Variants in RAB6A observed in about 807,000 individuals in gnomAD.
RAB6A encodes the protein ras-related protein Rab-6A.
Under a neutral mutation model 32.3 loss-of-function variants are expected in RAB6A, and 8 were observed. That is an observed-to-expected ratio of 0.25 (90% CI 0.15 to 0.45). The LOEUF is 0.45. Among genes scored for constraint, RAB6A ranks in the 20% least tolerant of loss-of-function variants. The pLI is 1.00. For missense variants in RAB6A, 104 were observed against 249.4 expected, an observed-to-expected ratio of 0.42 and a Z score of 3.93; for synonymous variants, 73 against 82.1, an observed-to-expected ratio of 0.89 and a Z score of 0.60.
At chr11:73,689,895 CAAAAAAA>C (rs5792626) in intron 6 of RAB6A, among the ~76,000 whole-genome samples, 1 of 60,962 alleles carries the variant, frequency 1.6e-5, no homozygotes, top group Admixed American at 1.8e-4. Flanking sequence ...GACTCCGTCT[CAAAAAAA>C]AAAAAAAAAA....
chr11:73,693,395 C>CA (rs1351591450), intron 6 of RAB6A, among the ~76,000 whole-genome samples: 1 of 151,800 alleles, frequency 6.6e-6, no homozygotes, highest in Non-Finnish European at 1.5e-5. Context: ...AAAGATTAAC[C>CA]AGTAGGTACA....
chr11:73,723,911 C>T (rs1422963941), intron 2 of RAB6A, among the ~76,000 whole-genome samples: 1 of 152,138 alleles, frequency 6.6e-6, no homozygotes, highest in Non-Finnish European at 1.5e-5. Context: ...ACCCACATAT[C>T]TATATACTGT....
At chr11:73,746,920 C>T (rs927516409) in intron 1 of RAB6A, among the ~76,000 whole-genome samples, 3 of 152,118 alleles carry the variant, frequency 2.0e-5, no homozygotes, top group South Asian at 2.1e-4. Context: ...CAGTAGTACA[C>T]GTAGTAGGAC....
chr11:73,707,807 G>A (rs1291721333), intron 5 of RAB6A, among the ~76,000 whole-genome samples: 2 of 152,024 alleles, frequency 1.3e-5, no homozygotes, highest in African/African-American at 4.8e-5. Flanking sequence ...TCGAGCCCAG[G>A]AATGTTGAGG....
chr11:73,692,958 C>G (rs1352294925), intron 6 of RAB6A, among the ~76,000 whole-genome samples: 1 of 111,370 alleles, frequency 9.0e-6, no homozygotes, highest in East Asian at 3.0e-4. Context: ...GAGACTGTCT[C>G]AAAAACAAAA....
chr11:73,719,526 C>T (rs532659703), intron 3 of RAB6A, among the ~76,000 whole-genome samples: 2 of 152,080 alleles, frequency 1.3e-5, no homozygotes, highest in African/African-American at 2.4e-5. Flanking sequence ...AATGTCTTTA[C>T]GTACTATCCA....
chr11:73,742,604 G>A (rs976582022), intron 1 of RAB6A, among the ~76,000 whole-genome samples: 3 of 152,134 alleles, frequency 2.0e-5, no homozygotes, highest in Non-Finnish European at 4.4e-5. Flanking sequence ...CTGAGGTCAG[G>A]AGTTCAAGAC....
Position 73,675,970 on chromosome 11 carries a change from T to C in RAB6A, c.*1928A>G, listed in dbSNP as rs1332376812. ...AAGAGTCAACCCTTGCCTTTAACAA[T>C]TATATTGTATTATAAAAGCACTTTA... On this transcript the variant is annotated 3_prime_UTR_variant, in exon 8 of 8. Coordinates refer to ENST00000336083, the MANE Select transcript of RAB6A (RefSeq NM_198896.2). 6.0e-6 allele frequency: 1 copy of C among 166,788 alleles called. No homozygotes were observed. The highest frequency in any genetic ancestry group is 1.5e-5 in the Non-Finnish European group (1 of 68,072). 10.3% of individuals were successfully genotyped at this position (166,788 alleles called of 1,614,324 possible).
intron 5 of RAB6A, 111 bp downstream of exon 5, chr11:73,716,140 G>A (rs774391637): frequency 8.0e-6 from 6 of 747,754 alleles, no homozygotes; most frequent in South Asian, 6.3e-5. Context: ...AGGGGAGGAC[G>A]TAAACTTAAG....
rs1555066890 is a variant in RAB6A at position 73,739,263 on chromosome 11, T to TTAAAAAAAA, written c.71-8441_71-8440insTTTTTTTTA. 8.9e-3 allele frequency among the ~76,000 whole-genome samples: 83 copies of TTAAAAAAAA among 9,378 alleles called. 5 individuals carry two copies. Among genetic ancestry groups the TTAAAAAAAA allele is most frequent in the East Asian group, 0.013 (1 of 76 alleles). The allele number at this position is 9,378 out of a possible 152,430, so 6.2% of individuals were successfully genotyped here. A position where few individuals can be genotyped will look rare whatever the true frequency, so the allele number is the denominator to read the frequency against. On this transcript the variant is annotated intron_variant, in intron 1 of 7. Transcript: ENST00000336083. ...GCAAAAAAAAAATAGTAATAATAAT[T>TTAAAAAAAA]AAAAAAAAAAAAAAAAAAAAAATAT...
At chr11:73,711,165 G>A (rs1945952266) in intron 5 of RAB6A, among the ~76,000 whole-genome samples, 1 of 152,148 alleles carries the variant, frequency 6.6e-6, no homozygotes. Context: ...ATACAGCACG[G>A]TGGTATGAGG....
intron 6 of RAB6A, among the ~76,000 whole-genome samples, chr11:73,701,692 T>C (rs376580302): frequency 9.2e-5 from 14 of 152,188 alleles, no homozygotes; most frequent in African/African-American, 3.4e-4. Flanking sequence ...CTTGCTCTAT[T>C]GCTCAGGCTG....
At chr11:73,738,155 TTTTA>T (rs551761483) in intron 1 of RAB6A, among the ~76,000 whole-genome samples, 69 of 152,138 alleles carry the variant, frequency 4.5e-4, no homozygotes, top group Admixed American at 7.2e-4. Flanking sequence ...GAATGTTATT[TTTTA>T]TTTATTTTTT....
intron 6 of RAB6A, among the ~76,000 whole-genome samples, chr11:73,705,956 A>G (rs867921070): frequency 6.6e-6 from 1 of 152,086 alleles, no homozygotes. Flanking sequence ...TGAAACTTAT[A>G]AGGAGTACAA....
intron 3 of RAB6A, 196 bp from the exon 4 acceptor site, chr11:73,718,914 A>G: frequency 1.9e-6 from 2 of 1,055,490 alleles, no homozygotes; most frequent in East Asian, 3.1e-5. Flanking sequence ...AAAAATAAAT[A>G]AAAAAAAAAA....
chr11:73,684,182 T>C (rs899371263), intron 6 of RAB6A, among the ~76,000 whole-genome samples: 17 of 151,414 alleles, frequency 1.1e-4, no homozygotes, highest in African/African-American at 3.9e-4. Flanking sequence ...TTTTTTTTTT[T>C]CTGAGACAGA....
chr11:73,688,418 A>T (rs1303102600), intron 6 of RAB6A, among the ~76,000 whole-genome samples: 1 of 152,046 alleles, frequency 6.6e-6, no homozygotes, highest in Admixed American at 6.6e-5. Context: ...AGCGGGGTAG[A>T]CTCCCAGGAA....
At chr11:73,725,369 C>T (rs1304767924) in intron 2 of RAB6A, among the ~76,000 whole-genome samples, 2 of 152,108 alleles carry the variant, frequency 1.3e-5, no homozygotes, top group African/African-American at 4.8e-5. Flanking sequence ...GTTCATAACA[C>T]GAATTTTGTC....
chr11:73,717,084 C>T (rs1219947809), intron 4 of RAB6A, among the ~76,000 whole-genome samples: 1 of 152,118 alleles, frequency 6.6e-6, no homozygotes, highest in Non-Finnish European at 1.5e-5. Context: ...CGTGTCAATG[C>T]ACAATATGAA....
Sources: gnomAD v4.1 joint callset for allele counts (sites outside exome capture counted in the v4.1 genomes callset) on GRCh38, gnomAD v4.1.1 for gene constraint, MANE v1.5 for transcripts, NCBI Gene and HGNC (gene_info 2026-07-23, HGNC 2026-07-21) for gene names.